Variants in KLHL1 observed in about 807,000 individuals in gnomAD.
KLHL1 encodes the protein kelch like family member 1, also known as kelch-like protein 1.
In KLHL1, 47 loss-of-function variants were observed where a neutral mutation model predicts 77.7. The ratio of observed to expected loss-of-function variants is 0.60; its 90% CI spans 0.48 to 0.77. KLHL1 has a LOEUF of 0.77. Ranked by LOEUF, KLHL1 falls within the 30% of genes least tolerant of loss-of-function variation. The pLI is 0.00. For synonymous variants in KLHL1, 360 were observed against 325.2 expected, an observed-to-expected ratio of 1.11 and a Z score of -1.15; for missense variants, 925 against 910.8, an observed-to-expected ratio of 1.02 and a Z score of -0.20.
intron 7 of KLHL1, among the ~76,000 whole-genome samples, chr13:69,765,668 TA>T (rs1875267458): frequency 6.6e-6 from 1 of 152,196 alleles, no homozygotes; most frequent in Non-Finnish European, 1.5e-5. Context: ...TACAGGAAGA[TA>T]AAAGATAGAA....
intron 1 of KLHL1, among the ~76,000 whole-genome samples, chr13:70,092,997 A>C (rs1887703315): frequency 6.6e-6 from 1 of 152,122 alleles, no homozygotes; most frequent in South Asian, 2.1e-4. Context: ...TTTAAACAAA[A>C]TTTAATTTTA....
chr13:69,786,543 C>T (rs569490776), intron 7 of KLHL1, among the ~76,000 whole-genome samples: 1 of 152,244 alleles, frequency 6.6e-6, no homozygotes, highest in African/African-American at 2.4e-5. Context: ...AACCCACAGC[C>T]AATATCGTAC....
At chr13:69,935,449 T>C (rs980505873) in intron 4 of KLHL1, among the ~76,000 whole-genome samples, 1 of 152,024 alleles carries the variant, frequency 6.6e-6, no homozygotes, top group African/African-American at 2.4e-5. Flanking sequence ...AACAAATATA[T>C]ATTATAAAGC....
chr13:70,061,386 T>C (rs1390491797), intron 1 of KLHL1, among the ~76,000 whole-genome samples: 1 of 135,638 alleles, frequency 7.4e-6, no homozygotes, highest in Non-Finnish European at 1.6e-5. Context: ...AAAATTTTCT[T>C]TTATTTTGGG....
chr13:69,993,203 G>C (rs191060391), intron 1 of KLHL1, among the ~76,000 whole-genome samples: 40 of 152,170 alleles, frequency 2.6e-4, no homozygotes, highest in African/African-American at 9.4e-4. Flanking sequence ...GAGATATAGG[G>C]TTTATCAAGG....
intron 1 of KLHL1, among the ~76,000 whole-genome samples, chr13:70,005,148 TTTAAA>T (rs1885377010): frequency 1.3e-5 from 2 of 151,834 alleles, no homozygotes; most frequent in African/African-American, 4.8e-5. Flanking sequence ...AATATCTCAA[TTTAAA>T]TTATGTGGTT....
At chr13:69,818,156 G>T (rs1878193166) in intron 6 of KLHL1, among the ~76,000 whole-genome samples, 1 of 150,612 alleles carries the variant, frequency 6.6e-6, no homozygotes, top group Non-Finnish European at 1.5e-5. Context: ...GGAGCTAGAA[G>T]TCCCTTGTCC....
intron 7 of KLHL1, among the ~76,000 whole-genome samples, chr13:69,777,171 C>T (rs187155843): frequency 6.6e-6 from 1 of 152,020 alleles, no homozygotes; most frequent in Non-Finnish European, 1.5e-5. Flanking sequence ...GTAAGACGTG[C>T]CTTTGCTCCT....
chr13:69,872,139 C>T (rs1016473534), intron 5 of KLHL1, among the ~76,000 whole-genome samples: 146 of 152,238 alleles, frequency 9.6e-4, no homozygotes, highest in African/African-American at 3.3e-3. Flanking sequence ...GCACCTACAC[C>T]TGCCTCTGGT....
chr13:69,764,605 A>C (rs1352651901), intron 7 of KLHL1, among the ~76,000 whole-genome samples: 2 of 152,172 alleles, frequency 1.3e-5, no homozygotes, highest in Non-Finnish European at 2.9e-5. Flanking sequence ...TCCAAGAAAC[A>C]AAAGATTTTG....
chr13:69,772,379 G>GA (rs35287941), intron 7 of KLHL1, among the ~76,000 whole-genome samples: 3,612 of 151,694 alleles, frequency 0.024, 140 homozygotes, highest in African/African-American at 0.083. Flanking sequence ...TTTTGTTGGG[G>GA]AAAAAATAAA....
chr13:69,875,276 A>G (rs112560270), intron 5 of KLHL1, among the ~76,000 whole-genome samples: 4,019 of 152,264 alleles, frequency 0.026, 84 homozygotes, highest in Non-Finnish European at 0.042. Context: ...TATGTTGGAA[A>G]GGCAAAAGAG....
chr13:70,076,201 G>A (rs9572351), intron 1 of KLHL1, among the ~76,000 whole-genome samples: 28,498 of 151,674 alleles, frequency 0.19, 2,843 homozygotes, highest in Admixed American at 0.27. Flanking sequence ...AAAAGGTAAA[G>A]TCGGAGGATT....
chr13:69,863,981 A>G (rs2138158829), intron 5 of KLHL1, among the ~76,000 whole-genome samples: 1 of 152,206 alleles, frequency 6.6e-6, no homozygotes, highest in African/African-American at 2.4e-5. Flanking sequence ...CTCAAATTAC[A>G]TATGAAAACT....
chr13:69,740,764 G>T (rs1873956086), intron 7 of KLHL1, among the ~76,000 whole-genome samples: 1 of 152,140 alleles, frequency 6.6e-6, no homozygotes, highest in African/African-American at 2.4e-5. Context: ...ATAGACTTCA[G>T]TTGTTAAGAA....
intron 4 of KLHL1, among the ~76,000 whole-genome samples, chr13:69,890,056 A>T (rs1248689664): frequency 6.6e-6 from 1 of 152,020 alleles, no homozygotes; most frequent in Non-Finnish European, 1.5e-5. Context: ...TATAAATTTA[A>T]AAAAAGAAAG....
At chr13:69,823,090 A>T (rs906938889) in intron 6 of KLHL1, among the ~76,000 whole-genome samples, 5 of 152,198 alleles carry the variant, frequency 3.3e-5, no homozygotes, top group Middle Eastern at 3.2e-3. Context: ...TAGAGGTTTA[A>T]GTGTGAAAGA....
At chr13:69,801,455 T>G (rs1877375688) in intron 6 of KLHL1, among the ~76,000 whole-genome samples, 1 of 152,226 alleles carries the variant, frequency 6.6e-6, no homozygotes, top group Admixed American at 6.5e-5. Context: ...TCTCTTAAAC[T>G]CAAGACTGCT....
At chr13:69,816,993 T>C (rs1399042310) in intron 6 of KLHL1, among the ~76,000 whole-genome samples, 1 of 151,518 alleles carries the variant, frequency 6.6e-6, no homozygotes, top group African/African-American at 2.4e-5. Flanking sequence ...AAAATAAATA[T>C]AATAAAAAAA....
Sources: gnomAD v4.1 joint callset for allele counts (sites outside exome capture counted in the v4.1 genomes callset) on GRCh38, gnomAD v4.1.1 for gene constraint, MANE v1.5 for transcripts, NCBI Gene and HGNC (gene_info 2026-07-23, HGNC 2026-07-21) for gene names.